KIAA2012: variants seen among roughly 807,000 people sequenced by gnomAD.
The protein encoded by KIAA2012 is uncharacterized protein KIAA2012.
A neutral mutation model predicts 150.6 loss-of-function variants in KIAA2012; 125 were observed. The ratio of observed to expected loss-of-function variants is 0.83; its 90% CI spans 0.72 to 0.96. The LOEUF (loss-of-function observed/expected upper bound fraction) is 0.96. Ranked by LOEUF, KIAA2012 falls within the 40% of genes least tolerant of loss-of-function variation. The pLI is 0.00. For missense variants in KIAA2012, 1,219 were observed against 1,354.9 expected (o/e 0.90, Z 1.57); for synonymous variants, 462 against 504.7 (o/e 0.92, Z 1.13).
chr2:202,196,671 C>A, intron 21 of KIAA2012, 129 bp from the exon 22 acceptor site: 2 of 1,194,426 alleles, frequency 1.7e-6, no homozygotes, highest in Non-Finnish European at 2.3e-6. Context: ...ATCTGGCAGC[C>A]TGCTAGCAGG....
chr2:202,076,518 G>T (rs911881793), intron 2 of KIAA2012, among the ~76,000 whole-genome samples: 8 of 152,024 alleles, frequency 5.3e-5, no homozygotes, highest in African/African-American at 1.9e-4. Context: ...ATAAATTCTT[G>T]AATAAAAGAA....
At chr2:202,187,218 G>A in intron 17 of KIAA2012, 120 bp downstream of exon 17, 2 of 1,111,148 alleles carry the variant, frequency 1.8e-6, no homozygotes, top group Non-Finnish European at 1.2e-6. Context: ...GGATGAGGGG[G>A]GCACTGAGGT....
chr2:202,179,412 C>A, intron 15 of KIAA2012: 1 of 742,678 alleles, frequency 1.3e-6, no homozygotes, highest in South Asian at 1.3e-5. Flanking sequence ...GGAATTAAAG[C>A]GGCAAATGGT....
At chr2:202,091,787 T>C (rs13013323) in intron 3 of KIAA2012, among the ~76,000 whole-genome samples, 30,704 of 152,224 alleles carry the variant, frequency 0.2, 4,076 homozygotes, top group Non-Finnish European at 0.29. Flanking sequence ...CTGTTTGCCA[T>C]TTCTTCAGCA....
rs889451263 is a variant in KIAA2012, at chr2:202,131,070, C to T, written c.1831+5788C>T. Among the ~76,000 whole-genome samples, 3 of 152,160 alleles carry T rather than the reference C, an allele frequency of 2.0e-5. 1 individual carries two copies. The highest frequency in any genetic ancestry group is 4.2e-4 in the South Asian group (2 of 4,812). Reference sequence around the variant, plus strand: ...CTATTGTCTTGGTTTCCCCATAATCCCTCCTTTGAAAATTAATGTAGACAT... The same window carrying T: ...CTATTGTCTTGGTTTCCCCATAATCTCTCCTTTGAAAATTAATGTAGACAT... On this transcript the variant is annotated intron_variant, in intron 12 of 23. Transcript: ENST00000498697.
chr2:202,179,027 G>A (rs1250770013), intron 15 of KIAA2012, among the ~76,000 whole-genome samples: 1 of 152,184 alleles, frequency 6.6e-6, no homozygotes, highest in Non-Finnish European at 1.5e-5. Context: ...ATAAAACTGA[G>A]AAGAAATAAA....
chr2:202,074,721 G>T (rs1004698754), intron 1 of KIAA2012, among the ~76,000 whole-genome samples, 170 bp from the exon 2 acceptor site: 1 of 152,212 alleles, frequency 6.6e-6, no homozygotes, highest in Non-Finnish European at 1.5e-5. Flanking sequence ...ATTTTGAAAT[G>T]TGGAGAGAAA....
chr2:202,118,499 A>G (rs1690579156), intron 11 of KIAA2012, among the ~76,000 whole-genome samples: 1 of 152,204 alleles, frequency 6.6e-6, no homozygotes, highest in South Asian at 2.1e-4. Context: ...GTGAGGCAGA[A>G]GCATCAAAGC....
Position 202,194,259 on chromosome 2 carries a change from G to A in KIAA2012, c.3084G>A (p.Arg1028=). 3 of 1,550,596 alleles carry A rather than the reference G, an allele frequency of 1.9e-6. No individual in the cohort carries two copies. The highest frequency in any genetic ancestry group is 2.6e-6 in the Non-Finnish European group (3 of 1,147,010). The change falls in exon 21 of 24, where the codon CGG becomes CGA. Residue 1028 remains arginine (R), a synonymous_variant. Coordinates refer to ENST00000498697, the MANE Select transcript of KIAA2012 (RefSeq NM_001277372.4). ...QEEEERKQQL[R]LKAAQERARQ... ...AGGAGGAGAGAAAGCAGCAGCTCCG[G>A]TTGAAAGCAGCCCAGGAGAGAGCCC...
chr2:202,155,437 C>G (rs916397463), intron 14 of KIAA2012, among the ~76,000 whole-genome samples: 3 of 152,164 alleles, frequency 2.0e-5, no homozygotes, highest in Admixed American at 2.0e-4. Flanking sequence ...ATTGGCCCAT[C>G]CTTTTCATCG....
chr2:202,149,096 C>A lies in KIAA2012; in HGVS notation c.1909-5577C>A, dbSNP rs1169744870. On this transcript the variant is annotated intron_variant, in intron 13 of 23. Transcript: ENST00000498697. The stretch of plus-strand genomic sequence containing the variant: ...CCCTTCCAGGATTTAGTTCCCCTAC[C>A]CTAGCAGGGGGCGGGAGGACAGGGA... 2.6e-5 allele frequency among the ~76,000 whole-genome samples: 4 copies of A among 152,154 alleles called. No individual in the cohort carries two copies. In the East Asian group the frequency reaches 7.7e-4, roughly 29 times the overall value.
At position 202,073,752 on chromosome 2, in the gene KIAA2012, G is replaced by A. The variant is rs1186881218; in HGVS notation, c.84+41G>A. 26 of 1,515,180 alleles carry A rather than the reference G, an allele frequency of 1.7e-5. No homozygotes were observed. In the Admixed American group the frequency reaches 5.1e-4, roughly 30 times the overall value. The allele number at this position is 1,515,180 out of a possible 1,614,324, so 93.9% of individuals were successfully genotyped here. On this transcript the variant is annotated intron_variant, in intron 1 of 23. Coordinates refer to ENST00000498697, the MANE Select transcript of KIAA2012 (RefSeq NM_001277372.4). Reference sequence around the variant, plus strand: ...GAAGAAAGGCACATTTTGGAGGTGGGAGAGGAATGCTCTATGTTTCCACTT... The same window carrying A: ...GAAGAAAGGCACATTTTGGAGGTGGAAGAGGAATGCTCTATGTTTCCACTT...
chr2:202,177,597 G>C (rs1692022407), intron 15 of KIAA2012, among the ~76,000 whole-genome samples: 1 of 152,094 alleles, frequency 6.6e-6, no homozygotes, highest in Admixed American at 6.6e-5. Flanking sequence ...ATGTTGCCCA[G>C]GCTCAACCTG....
intron 12 of KIAA2012, chr2:202,136,813 G>C (rs966249012): frequency 6.6e-6 from 1 of 152,366 alleles, no homozygotes; most frequent in Admixed American, 6.5e-5. Flanking sequence ...GGCTCCTCCA[G>C]CACGCCAGAG....
intron 12 of KIAA2012, among the ~76,000 whole-genome samples, chr2:202,134,802 G>T (rs1214407324): frequency 6.6e-6 from 1 of 152,172 alleles, no homozygotes; most frequent in African/African-American, 2.4e-5. Flanking sequence ...TGATCCGCCC[G>T]CCTTGGCCTC....
intron 13 of KIAA2012, among the ~76,000 whole-genome samples, chr2:202,154,162 A>T (rs1691479635): frequency 6.6e-6 from 1 of 152,328 alleles, no homozygotes; most frequent in Non-Finnish European, 1.5e-5. Flanking sequence ...AACATATCAA[A>T]TTCATTTTTG....
At chr2:202,167,126 A>G (rs556178185) in intron 15 of KIAA2012, among the ~76,000 whole-genome samples, 1 of 151,852 alleles carries the variant, frequency 6.6e-6, no homozygotes, top group South Asian at 2.1e-4. Flanking sequence ...GTGAGCCAAG[A>G]TCGCACCACT....
In KIAA2012 at chr2:202,194,406, G is replaced by T. The variant is rs574317157; in HGVS notation, c.3187+44G>T. The T allele has an allele frequency of 2.1e-5, 33 of 1,543,804 alleles. No homozygotes were observed. The South Asian group carries it at 3.7e-4, about 17-fold the overall frequency. On this transcript the variant is annotated intron_variant, in intron 21 of 23. Transcript: ENST00000498697. Reference sequence around the variant, plus strand: ...TCTTTGCATCTCTCTTCTACTTGGGGCAGAAACACTTTTATCCAGCTGTGA... The same window carrying T: ...TCTTTGCATCTCTCTTCTACTTGGGTCAGAAACACTTTTATCCAGCTGTGA...
At chr2:202,113,730 A>G in intron 11 of KIAA2012, 1 of 341,004 alleles carries the variant, frequency 2.9e-6, no homozygotes, top group Non-Finnish European at 5.4e-6. Context: ...GATGAGAATG[A>G]TAAAGTCCTT....
Sources: allele counts gnomAD v4.1 joint callset (sites outside exome capture counted in the v4.1 genomes callset), GRCh38; gene constraint gnomAD v4.1.1; transcripts MANE v1.5; gene names NCBI Gene and HGNC (gene_info 2026-07-23, HGNC 2026-07-21).